ATP8B4: variants seen among roughly 807,000 people sequenced by gnomAD.
The protein encoded by ATP8B4 is ATPase phospholipid transporting 8B4 (putative), also known as probable phospholipid-transporting ATPase IM.
Under a neutral mutation model 145.6 loss-of-function variants are expected in ATP8B4, and 133 were observed. The ratio of observed to expected loss-of-function variants is 0.91; its 90% confidence interval spans 0.79 to 1.05. The LOEUF (loss-of-function observed/expected upper bound fraction) is 1.05, where lower values mean the gene tolerates loss of function less well. ATP8B4 is among the 50% of genes least tolerant of loss of function. ATP8B4 has a pLI of 0.00. For missense variants in ATP8B4, 1,458 were observed against 1,425.2 expected, an observed-to-expected ratio of 1.02 and a Z score of -0.37; for synonymous variants, 507 against 492.9, an observed-to-expected ratio of 1.03 and a Z score of -0.38.
At chr15:50,149,458 G>T (rs992926858) in intron 1 of ATP8B4, among the ~76,000 whole-genome samples, 1 of 152,174 alleles carries the variant, frequency 6.6e-6, no homozygotes, top group Admixed American at 6.5e-5. Context: ...GATAATATGT[G>T]TATGTGCACT....
chr15:50,133,569 G>C (rs1233458017), intron 1 of ATP8B4, among the ~76,000 whole-genome samples: 1 of 151,692 alleles, frequency 6.6e-6, no homozygotes, highest in East Asian at 1.9e-4. Flanking sequence ...TTCCAGCCTG[G>C]GTGACAGAGT....
At chr15:50,013,343 T>G (rs2048856331) in intron 6 of ATP8B4, among the ~76,000 whole-genome samples, 1 of 152,120 alleles carries the variant, frequency 6.6e-6, no homozygotes, top group Non-Finnish European at 1.5e-5. Flanking sequence ...TTTTGGGCTG[T>G]GAAGGTGACA....
intron 1 of ATP8B4, among the ~76,000 whole-genome samples, chr15:50,156,900 C>T (rs766880879): frequency 1.5e-4 from 23 of 152,116 alleles, no homozygotes; most frequent in African/African-American, 4.6e-4. Context: ...ATAGTCTTAG[C>T]GGCTTTTAAT....
intron 1 of ATP8B4, chr15:50,114,608 GC>G: frequency 6.6e-6 from 1 of 152,256 alleles, no homozygotes; most frequent in Non-Finnish European, 1.5e-5. Context: ...GCGTTAGGCC[GC>G]CCAAGTTTGC....
At chr15:50,062,761 A>G (rs1025920660) in intron 3 of ATP8B4, among the ~76,000 whole-genome samples, 3 of 152,196 alleles carry the variant, frequency 2.0e-5, no homozygotes, top group Non-Finnish European at 4.4e-5. Context: ...ATTTTCTCAT[A>G]TCAGAGTACA....
At chr15:50,063,357 G>A (rs1335852086) in intron 3 of ATP8B4, among the ~76,000 whole-genome samples, 2 of 151,456 alleles carry the variant, frequency 1.3e-5, no homozygotes, top group Non-Finnish European at 2.9e-5. Context: ...ATCACTAGGG[G>A]AGCTTTAAAA....
In ATP8B4 at chr15:49,860,483, G is replaced by C; in HGVS notation, c.3298-8C>G. ...CTTCTGCCACCGGCGGATCTGGAGA[G>C]AAACAGACCCAAAGTGAGATGATGC... On this transcript the variant is annotated splice_region_variant and splice_polypyrimidine_tract_variant and intron_variant, in intron 27 of 27. Coordinates refer to ENST00000284509, the MANE Select transcript of ATP8B4 (RefSeq NM_024837.4). 6.3e-7 allele frequency: 1 copy of C among 1,599,718 alleles called. No individual in the cohort carries two copies. Among genetic ancestry groups the C allele is most frequent in the Non-Finnish European group, 8.5e-7 (1 of 1,174,386 alleles).
intron 2 of ATP8B4, among the ~76,000 whole-genome samples, chr15:50,102,264 G>A (rs1198682153): frequency 1.3e-5 from 2 of 150,810 alleles, no homozygotes; most frequent in African/African-American, 4.9e-5. Flanking sequence ...AAATGAATTT[G>A]AAACAAAAAA....
At chr15:50,172,961 G>A (rs1238919415) in intron 1 of ATP8B4, among the ~76,000 whole-genome samples, 8 of 151,144 alleles carry the variant, frequency 5.3e-5, no homozygotes, top group South Asian at 2.1e-4. Context: ...CGCCCCATCC[G>A]GGAGGTGGGG....
At chr15:50,010,079 C>T (rs1171899876) in intron 7 of ATP8B4, among the ~76,000 whole-genome samples, 1 of 151,886 alleles carries the variant, frequency 6.6e-6, no homozygotes, top group African/African-American at 2.4e-5. Context: ...TATTTTTTTC[C>T]CTGTGGTAAA....
At chr15:49,991,419 G>A (rs1046473640) in intron 9 of ATP8B4, among the ~76,000 whole-genome samples, 2 of 152,088 alleles carry the variant, frequency 1.3e-5, no homozygotes, top group Admixed American at 6.6e-5. Flanking sequence ...AACACATTTC[G>A]ACAATTTACA....
chr15:50,018,987 A>T (rs1411646794), intron 6 of ATP8B4: 1 of 1,178,510 alleles, frequency 8.5e-7, no homozygotes, highest in Non-Finnish European at 1.1e-6. Context: ...CTTCATTATG[A>T]GGAGAAACAA....
At position 49,860,299 on chromosome 15, in the gene ATP8B4, C is replaced by G; in HGVS notation, c.3474G>C (p.Gly1158=). The change falls in exon 28 of 28, where the codon GGG becomes GGC. Residue 1158 remains glycine (G), a synonymous_variant. Coordinates refer to ENST00000284509, the MANE Select transcript of ATP8B4 (RefSeq NM_024837.4). ...MRAKNPPPTS[G]LEKTHYNSTS... is the part of the protein sequence containing the mutation. ...TGCTATTATAATGTGTCTTTTCCAG[C>G]CCTGATGTTGGGGGTGGATTTTTAG... 1 of 1,614,122 alleles carries G rather than the reference C, an allele frequency of 6.2e-7. No individual in the cohort carries two copies. Among genetic ancestry groups the G allele is most frequent in the Non-Finnish European group, 8.5e-7 (1 of 1,180,004 alleles).
At chr15:50,063,333 G>C (rs907259692) in intron 3 of ATP8B4, among the ~76,000 whole-genome samples, 1 of 151,746 alleles carries the variant, frequency 6.6e-6, no homozygotes, top group Non-Finnish European at 1.5e-5. Flanking sequence ...GATTAATCCA[G>C]GTTGCCCATT....
In ATP8B4 at chr15:50,106,939, C is replaced by T; in HGVS notation, c.28G>A (p.Glu10Lys). 3 of 1,595,244 alleles carry T rather than the reference C, an allele frequency of 1.9e-6. No homozygotes were observed. Among genetic ancestry groups the T allele is most frequent in the Non-Finnish European group, 2.6e-6 (3 of 1,172,754 alleles). MFCSEKKLREVERIVKANDR... is the reference protein window; with the variant it reads MFCSEKKLRKVERIVKANDR... ...ATCATTGGAAGAACTCAAAACTTACCACGCAATTTCTTTTCACTGCAGAAC... is the reference window on the plus strand; with the variant it reads ...ATCATTGGAAGAACTCAAAACTTACTACGCAATTTCTTTTCACTGCAGAAC... The change falls in exon 2 of 28, where the codon GAA (glutamate) becomes AAA (lysine). Residue 10 changes from glutamate to lysine, a missense_variant and splice_region_variant. Transcript: ENST00000284509.
chr15:50,178,546 T>C (rs1342221296), intron 1 of ATP8B4, among the ~76,000 whole-genome samples: 1 of 152,182 alleles, frequency 6.6e-6, no homozygotes, highest in Non-Finnish European at 1.5e-5. Flanking sequence ...GTTTTTCATA[T>C]GAGATGGGGT....
rs1175935909 is a variant in ATP8B4 at position 50,145,769 on chromosome 15, T to C, written c.-43+36492A>G. The stretch of plus-strand genomic sequence containing the variant: ...GCTTGCTCAGTCATTGGGAACTTTT[T>C]TGAAAATTGGTGCTTTGTGCCCAGC... On this transcript the variant is annotated intron_variant, in intron 1 of 3. Coordinates refer to the ATP8B4 transcript ENST00000558829. 1.3e-5 allele frequency among the ~76,000 whole-genome samples: 2 copies of C among 152,182 alleles called. 1 individual carries two copies. The highest frequency in any genetic ancestry group is 4.8e-5 in the African/African-American group (2 of 41,440).
At chr15:50,008,448 C>T (rs1294760962) in intron 7 of ATP8B4, among the ~76,000 whole-genome samples, 1 of 152,100 alleles carries the variant, frequency 6.6e-6, no homozygotes. Flanking sequence ...AGGCCACATC[C>T]GTGTGTCTAA....
chr15:50,108,837 CTT>C (rs1176510699), intron 1 of ATP8B4, among the ~76,000 whole-genome samples: 1 of 152,144 alleles, frequency 6.6e-6, no homozygotes, highest in Non-Finnish European at 1.5e-5. Flanking sequence ...TCCACAAACT[CTT>C]TTAGGACAAG....
Sources: gnomAD v4.1 joint callset for allele counts (sites outside exome capture counted in the v4.1 genomes callset) on GRCh38, gnomAD v4.1.1 for gene constraint, MANE v1.5 for transcripts, NCBI Gene and HGNC (gene_info 2026-07-23, HGNC 2026-07-21) for gene names.